The following ACOT1 variants were observed in gnomAD, a reference collection of about 807,000 sequenced individuals.
The protein encoded by ACOT1 is acyl-coenzyme A thioesterase 1.
ACOT1 carries 8 observed loss-of-function variants against 15.7 expected under a neutral mutation model. The ratio of observed to expected loss-of-function variants is 0.51; its 90% confidence interval spans 0.30 to 0.92. ACOT1 has a LOEUF of 0.92. Ranked by LOEUF, ACOT1 falls within the 40% of genes least tolerant of loss-of-function variation. ACOT1 has a pLI of 0.06. For synonymous variants in ACOT1, 67 were observed against 241.2 expected, an observed-to-expected ratio of 0.28 and a Z score of 6.69; for missense variants, 151 against 539.4, an observed-to-expected ratio of 0.28 and a Z score of 7.13.
At chr14:73,534,654 A>C (rs1403225368), upstream of ACOT1, among the ~76,000 whole-genome samples, 9 of 113,780 alleles carry the variant, frequency 7.9e-5, 3 homozygotes, top group Non-Finnish European at 1.3e-4. Context: ...GCACCACTGC[A>C]CTCCAGCCTG....
chr14:73,505,238 T>A, the ACOT1 span, among the ~76,000 whole-genome samples: 1 of 152,124 alleles, frequency 6.6e-6, no homozygotes, highest in Admixed American at 6.6e-5. Flanking sequence ...CTTTAACCAA[T>A]AAATTTAACC....
the ACOT1 span, among the ~76,000 whole-genome samples, chr14:73,531,835 C>T: frequency 9.0e-6 from 1 of 111,486 alleles, no homozygotes. Context: ...GCCTGACCAA[C>T]ATGGTGAAAC....
At chr14:73,507,578 C>T in the ACOT1 span, among the ~76,000 whole-genome samples, 4 of 151,916 alleles carry the variant, frequency 2.6e-5, no homozygotes, top group Non-Finnish European at 5.9e-5. Context: ...GGATTACAGG[C>T]ACATACCACC....
the ACOT1 span, chr14:73,500,632 AGGAAGCTT>A: frequency 1.2e-6 from 2 of 1,614,220 alleles, no homozygotes; most frequent in Non-Finnish European, 1.7e-6. Flanking sequence ...GAAGCAGTGC[AGGAAGCTT>A]GGGAGAAGCT....
chr14:73,533,354 A>G (rs1489590028), upstream of ACOT1, among the ~76,000 whole-genome samples: 2 of 115,618 alleles, frequency 1.7e-5, 1 homozygote, highest in African/African-American at 5.6e-5. Context: ...TGTGGAAGAT[A>G]CATACAACAG....
the ACOT1 span, chr14:73,492,379 G>A: frequency 1.2e-6 from 2 of 1,613,874 alleles, no homozygotes; most frequent in East Asian, 2.2e-5. This position sits in a 1 kb window ranked among gnomAD's most constrained non-coding sequence, Gnocchi z 4.9. Context: ...GGAGGGGTCT[G>A]CCCCGAGACT....
the ACOT1 span, chr14:73,522,300 G>GCTTCTT: frequency 1.2e-6 from 2 of 1,614,166 alleles, no homozygotes; most frequent in Non-Finnish European, 1.7e-6. Context: ...AGCAGTTCTG[G>GCTTCTT]CTTCTTCTTT....
At chr14:73,504,427 A>G in the ACOT1 span, among the ~76,000 whole-genome samples, 1 of 152,022 alleles carries the variant, frequency 6.6e-6, no homozygotes, top group Non-Finnish European at 1.5e-5. Context: ...TATTTTTAGT[A>G]GAGACAGGGT....
At chr14:73,520,949 G>C in the ACOT1 span, 3 of 1,613,972 alleles carry the variant, frequency 1.9e-6, no homozygotes, top group Admixed American at 5.0e-5. Context: ...TTTGGGGCTG[G>C]GAGAGGCTCG....
At chr14:73,509,593 G>T in the ACOT1 span, 1 of 938,486 alleles carries the variant, frequency 1.1e-6, no homozygotes. Flanking sequence ...TTAGTGCTAT[G>T]TAATATAATT....
At chr14:73,531,585 T>C in the ACOT1 span, among the ~76,000 whole-genome samples, 2 of 109,684 alleles carry the variant, frequency 1.8e-5, 1 homozygote, top group African/African-American at 5.9e-5. Context: ...ATTGTTGTAC[T>C]TTTAGTAGAG....
At chr14:73,509,557 C>T in the ACOT1 span, 1 of 1,404,808 alleles carries the variant, frequency 7.1e-7, no homozygotes, top group Non-Finnish European at 1.0e-6. Context: ...CATGTGGTGG[C>T]CAACCTCAGT....
chr14:73,506,482 A>G, the ACOT1 span: 1 of 1,613,344 alleles, frequency 6.2e-7, no homozygotes, highest in African/African-American at 1.3e-5. Context: ...AGACATTTCC[A>G]CTGATCCGGG....
At chr14:73,506,886 C>G in the ACOT1 span, among the ~76,000 whole-genome samples, 2 of 145,466 alleles carry the variant, frequency 1.4e-5, no homozygotes, top group South Asian at 4.4e-4. Context: ...CTGCAACCTC[C>G]GCCTCTCGGG....
the ACOT1 span, among the ~76,000 whole-genome samples, chr14:73,510,711 C>G: frequency 6.6e-6 from 1 of 152,192 alleles, no homozygotes; most frequent in African/African-American, 2.4e-5. Flanking sequence ...GCTGGAATTA[C>G]AAGTGTGAGC....
chr14:73,509,351 G>T, the ACOT1 span: 1 of 1,614,118 alleles, frequency 6.2e-7, no homozygotes, highest in South Asian at 1.1e-5. Flanking sequence ...CGGGCAAGGG[G>T]ATTATGTGAC....
chr14:73,492,086 T>G, the ACOT1 span: 3 of 1,613,974 alleles, frequency 1.9e-6, no homozygotes, highest in Non-Finnish European at 2.5e-6. This position sits in a 1 kb window ranked among gnomAD's most constrained non-coding sequence, Gnocchi z 4.9. Context: ...TAGGAAACTC[T>G]GGCGTGTATA....
At chr14:73,520,995 G>A in the ACOT1 span, 1 of 1,613,736 alleles carries the variant, frequency 6.2e-7, no homozygotes, top group Non-Finnish European at 8.5e-7. Flanking sequence ...CTTGTTGCCA[G>A]GCATGATCTC....
At chr14:73,520,140 C>T in the ACOT1 span, 2 of 152,194 alleles carry the variant, frequency 1.3e-5, no homozygotes, top group East Asian at 1.9e-4. Flanking sequence ...AGAAGACTTT[C>T]AGCTGCAGCA....
Sources: allele counts gnomAD v4.1 joint callset (sites outside exome capture counted in the v4.1 genomes callset), GRCh38; gene constraint gnomAD v4.1.1; non-coding constraint Gnocchi (gnomAD v3.1); transcripts MANE v1.5; gene names NCBI Gene and HGNC (gene_info 2026-07-23, HGNC 2026-07-21).